CADPS2: variants seen among roughly 807,000 people sequenced by gnomAD.
CADPS2 encodes the protein calcium-dependent secretion activator 2.
A neutral mutation model predicts 172.5 loss-of-function variants in CADPS2; 93 were observed. That is an observed-to-expected ratio of 0.54 (90% CI 0.46 to 0.64). The LOEUF is 0.64. CADPS2 is among the 30% of genes least tolerant of loss of function. CADPS2 has a pLI of 0.00. For synonymous variants in CADPS2, 546 were observed against 555.2 expected (o/e 0.98, Z 0.23); for missense variants, 1,420 against 1,565.9 (o/e 0.91, Z 1.57).
chr7:122,374,615 C>G (rs1450830587), intron 25 of CADPS2, among the ~76,000 whole-genome samples: 3 of 152,016 alleles, frequency 2.0e-5, no homozygotes, highest in Non-Finnish European at 4.4e-5. Context: ...CACAGACAAA[C>G]TATCACAAGA....
intron 2 of CADPS2, among the ~76,000 whole-genome samples, chr7:122,679,411 G>A (rs981917297): frequency 2.6e-5 from 4 of 151,926 alleles, no homozygotes; most frequent in Admixed American, 6.6e-5. Context: ...TAGTCAGACC[G>A]GTTCTCTGCT....
chr7:122,865,617 G>T (rs933294112), intron 1 of CADPS2, among the ~76,000 whole-genome samples: 5 of 152,136 alleles, frequency 3.3e-5, no homozygotes, highest in African/African-American at 1.2e-4. Flanking sequence ...GATCTTATGG[G>T]ACCTGGTCCT....
intron 25 of CADPS2, among the ~76,000 whole-genome samples, chr7:122,363,821 A>G (rs1435780336): frequency 6.6e-6 from 1 of 152,176 alleles, no homozygotes; most frequent in Non-Finnish European, 1.5e-5. Flanking sequence ...ATTAAGTCAC[A>G]AGTTAATGGG....
At chr7:122,407,937 A>G (rs2046845030) in intron 19 of CADPS2, 1 of 425,302 alleles carries the variant, frequency 2.4e-6, no homozygotes, top group Admixed American at 3.9e-5. Context: ...TTATTCCTTT[A>G]TAAAAGAAAT....
At chr7:122,443,909 T>A (rs943764186) in intron 15 of CADPS2, among the ~76,000 whole-genome samples, 1 of 152,046 alleles carries the variant, frequency 6.6e-6, no homozygotes, top group Non-Finnish European at 1.5e-5. Flanking sequence ...ATTTAAAATA[T>A]ATGGTTTGGT....
chr7:122,425,469 T>G (rs2049050162), intron 17 of CADPS2, among the ~76,000 whole-genome samples: 1 of 140,128 alleles, frequency 7.1e-6, no homozygotes, highest in Admixed American at 7.3e-5. Context: ...GGCATGGTGG[T>G]GTGTGCCTGT....
At chr7:122,491,672 T>C (rs2058299988) in intron 9 of CADPS2, among the ~76,000 whole-genome samples, 1 of 152,160 alleles carries the variant, frequency 6.6e-6, no homozygotes, top group Non-Finnish European at 1.5e-5. Flanking sequence ...CTCAAGCTTC[T>C]ATATTAATAG....
At chr7:122,698,833 T>G in intron 2 of CADPS2, 1 of 1,613,700 alleles carries the variant, frequency 6.2e-7, no homozygotes, top group Non-Finnish European at 8.5e-7. Flanking sequence ...GCAACAGTTC[T>G]GACTAACAAG....
intron 3 of CADPS2, among the ~76,000 whole-genome samples, chr7:122,649,042 A>G (rs1482418009): frequency 1.3e-5 from 2 of 151,854 alleles, no homozygotes; most frequent in Non-Finnish European, 2.9e-5. Context: ...AATTTGTTCC[A>G]GTCATTCCTT....
chr7:122,463,324 ATT>A (rs11293067), intron 14 of CADPS2, among the ~76,000 whole-genome samples: 15 of 147,824 alleles, frequency 1.0e-4, no homozygotes, highest in Middle Eastern at 3.5e-3. Context: ...ATATTCTTAG[ATT>A]TTTTTTTTTT....
intron 16 of CADPS2, 82 bp from the exon 17 acceptor site, chr7:122,438,546 TA>T: frequency 6.8e-7 from 1 of 1,464,068 alleles, no homozygotes. Context: ...TTGCATAAAA[TA>T]AATACTAAAG....
At chr7:122,709,212 C>A (rs544430213) in intron 2 of CADPS2, among the ~76,000 whole-genome samples, 1 of 152,154 alleles carries the variant, frequency 6.6e-6, no homozygotes, top group South Asian at 2.1e-4. Context: ...TGTCCTAAAG[C>A]TTAAAACAGA....
intron 3 of CADPS2, among the ~76,000 whole-genome samples, chr7:122,640,341 T>C (rs1457633317): frequency 2.0e-5 from 3 of 152,138 alleles, no homozygotes; most frequent in Admixed American, 2.0e-4. Context: ...ATTACAGTGT[T>C]TCTCTAGCCA....
intron 1 of CADPS2, among the ~76,000 whole-genome samples, chr7:122,833,247 C>A (rs990492690): frequency 1.3e-5 from 2 of 152,054 alleles, no homozygotes; most frequent in African/African-American, 4.8e-5. Flanking sequence ...TAGTTGTTTG[C>A]GCTGTTTTAA....
intron 1 of CADPS2, among the ~76,000 whole-genome samples, chr7:122,797,437 G>C (rs1421787841): frequency 6.6e-6 from 1 of 152,002 alleles, no homozygotes; most frequent in Non-Finnish European, 1.5e-5. Flanking sequence ...ACAAACACAT[G>C]GAATCAAACT....
chr7:122,827,533 G>T (rs1243558574), intron 1 of CADPS2, among the ~76,000 whole-genome samples: 1 of 151,534 alleles, frequency 6.6e-6, no homozygotes, highest in African/African-American at 2.4e-5. Flanking sequence ...TTGGGAGGCT[G>T]AGGCAGGAGA....
chr7:122,695,916 T>C (rs985498294), intron 2 of CADPS2, among the ~76,000 whole-genome samples: 3 of 152,154 alleles, frequency 2.0e-5, no homozygotes, highest in Non-Finnish European at 2.9e-5. Flanking sequence ...TCAGTGTGAA[T>C]AGCAAACAAA....
At chr7:122,345,753 C>G (rs1193416837) in intron 27 of CADPS2, 72 bp from the exon 28 acceptor site, 1 of 984,260 alleles carries the variant, frequency 1.0e-6, no homozygotes, top group Non-Finnish European at 1.5e-6. Context: ...TTTAATCATA[C>G]CCTGAAAAAT....
At chr7:122,608,230 A>AGGC (rs1554660604) in intron 6 of CADPS2, among the ~76,000 whole-genome samples, 1 of 150,704 alleles carries the variant, frequency 6.6e-6, no homozygotes, top group Non-Finnish European at 1.5e-5. Flanking sequence ...AAAAAAAAGA[A>AGGC]GGCACAGTTT....
Sources: allele counts gnomAD v4.1 joint callset (sites outside exome capture counted in the v4.1 genomes callset), GRCh38; gene constraint gnomAD v4.1.1; transcripts MANE v1.5; gene names NCBI Gene and HGNC (gene_info 2026-07-23, HGNC 2026-07-21).